MACROD2: variants seen among roughly 807,000 people sequenced by gnomAD.
MACROD2 encodes the protein mono-ADP ribosylhydrolase 2.
In MACROD2, 36 loss-of-function variants were observed where a neutral mutation model predicts 70.4. The observed-to-expected ratio is 0.51, with a 90% CI of 0.39 to 0.68. The LOEUF is 0.68. Among genes scored for constraint, MACROD2 ranks in the 30% least tolerant of loss-of-function variants. The pLI is 0.00. For synonymous variants in MACROD2, 172 were observed against 178.8 expected (o/e 0.96, Z 0.30); for missense variants, 496 against 538.4 (o/e 0.92, Z 0.78).
At chr20:14,250,439 G>A (rs1190347358) in intron 3 of MACROD2, among the ~76,000 whole-genome samples, 12 of 151,920 alleles carry the variant, frequency 7.9e-5, no homozygotes, top group Admixed American at 7.9e-4. Flanking sequence ...TAAGAATAAT[G>A]AATACTTACC....
chr20:15,433,513 G>A (rs2046390212), intron 7 of MACROD2, among the ~76,000 whole-genome samples: 1 of 146,526 alleles, frequency 6.8e-6, no homozygotes, highest in Non-Finnish European at 1.5e-5. Flanking sequence ...TAACCAAGGA[G>A]GTGAAACATC....
At chr20:15,324,895 T>C (rs1350492660) in intron 6 of MACROD2, among the ~76,000 whole-genome samples, 1 of 152,152 alleles carries the variant, frequency 6.6e-6, no homozygotes, top group Non-Finnish European at 1.5e-5. Context: ...TATTTACAAG[T>C]TTGCATAACT....
At chr20:14,160,540 T>C (rs2055170126) in intron 3 of MACROD2, among the ~76,000 whole-genome samples, 1 of 152,170 alleles carries the variant, frequency 6.6e-6, no homozygotes, top group African/African-American at 2.4e-5. Flanking sequence ...TCTGATGATC[T>C]TTTATATTTC....
At chr20:14,998,973 G>T (rs1197639653) in intron 5 of MACROD2, among the ~76,000 whole-genome samples, 1 of 152,212 alleles carries the variant, frequency 6.6e-6, no homozygotes, top group South Asian at 2.1e-4. Context: ...GGAGAGAGTG[G>T]CATGGCATAT....
At chr20:15,259,202 A>C (rs2077226846) in intron 6 of MACROD2, among the ~76,000 whole-genome samples, 1 of 151,882 alleles carries the variant, frequency 6.6e-6, no homozygotes, top group Admixed American at 6.6e-5. Flanking sequence ...AACAACAACA[A>C]AATTTAGGAG....
At chr20:14,188,270 C>T (rs947377538) in intron 3 of MACROD2, among the ~76,000 whole-genome samples, 4 of 152,042 alleles carry the variant, frequency 2.6e-5, no homozygotes, top group Non-Finnish European at 5.9e-5. Flanking sequence ...TTATGTACCT[C>T]TTACGTACAT....
At chr20:16,048,889 A>C (rs1038688726) in intron 17 of MACROD2, among the ~76,000 whole-genome samples, 10 of 152,232 alleles carry the variant, frequency 6.6e-5, no homozygotes, top group African/African-American at 2.4e-4. Flanking sequence ...AAAAGCCCCA[A>C]ACTTGACACA....
At chr20:14,592,485 G>A (rs1037118166) in intron 4 of MACROD2, among the ~76,000 whole-genome samples, 2 of 152,080 alleles carry the variant, frequency 1.3e-5, no homozygotes, top group Non-Finnish European at 2.9e-5. Context: ...GTGCAGTGGC[G>A]TGATTACAGC....
chr20:15,580,365 T>TCCCA (rs1053721368), intron 8 of MACROD2, among the ~76,000 whole-genome samples: 2 of 152,024 alleles, frequency 1.3e-5, no homozygotes, highest in African/African-American at 4.8e-5. Flanking sequence ...CCACTCCCAC[T>TCCCA]CCCACACTCC....
intron 5 of MACROD2, among the ~76,000 whole-genome samples, chr20:15,220,358 G>A (rs2076848943): frequency 6.6e-6 from 1 of 152,190 alleles, no homozygotes; most frequent in South Asian, 2.1e-4. Context: ...TAGAATTCTT[G>A]GCTTTGTGGG....
intron 8 of MACROD2, among the ~76,000 whole-genome samples, chr20:15,537,925 C>G (rs764608707): frequency 1.3e-5 from 2 of 152,170 alleles, no homozygotes; most frequent in Non-Finnish European, 2.9e-5. Context: ...TGTCTCCCAA[C>G]ATAGAGGCCA....
At chr20:14,565,494 G>A (rs1971524199) in intron 4 of MACROD2, among the ~76,000 whole-genome samples, 1 of 137,826 alleles carries the variant, frequency 7.3e-6, no homozygotes, top group Admixed American at 7.5e-5. Flanking sequence ...ATAAATAGAA[G>A]GATATAATGT....
chr20:15,455,129 A>G (rs572391488), intron 7 of MACROD2, among the ~76,000 whole-genome samples: 1 of 152,126 alleles, frequency 6.6e-6, no homozygotes, highest in Non-Finnish European at 1.5e-5. Context: ...CATCCTACCA[A>G]TGTTTAGAGA....
chr20:14,533,445 TTTC>T (rs1299842111), intron 4 of MACROD2, among the ~76,000 whole-genome samples: 1 of 152,232 alleles, frequency 6.6e-6, no homozygotes, highest in Non-Finnish European at 1.5e-5. Context: ...TTTTAGATTA[TTTC>T]TTAACTATTA....
intron 5 of MACROD2, chr20:14,934,859 T>C (rs932808038): frequency 3.3e-5 from 5 of 151,630 alleles, no homozygotes; most frequent in Admixed American, 1.3e-4. Context: ...GAGGAGGAGA[T>C]TTATGTAGAG....
chr20:15,045,599 G>T (rs1043156647), intron 5 of MACROD2, among the ~76,000 whole-genome samples: 3 of 151,676 alleles, frequency 2.0e-5, no homozygotes, highest in African/African-American at 7.3e-5. Flanking sequence ...AATATATGGT[G>T]TTTGTACATG....
intron 8 of MACROD2, among the ~76,000 whole-genome samples, chr20:15,685,637 T>A (rs1231308087): frequency 6.6e-6 from 1 of 152,172 alleles, no homozygotes; most frequent in Non-Finnish European, 1.5e-5. Flanking sequence ...TGAATCTTGT[T>A]TCTTCTAGTA....
chr20:14,341,865 T>A lies in MACROD2; in HGVS notation c.272-151614T>A, dbSNP rs542076276. Among the ~76,000 whole-genome samples, 40 of 152,304 alleles carry A rather than the reference T, an allele frequency of 2.6e-4. No individual in the cohort carries two copies. In the South Asian group the frequency reaches 8.1e-3, roughly 31 times the overall value. Reference sequence around the variant, plus strand: ...AAAATATGTCAATAAGAATACAGTTTCTCTCTGGCTCTCTGTCCTGCCTTT... The same window carrying A: ...AAAATATGTCAATAAGAATACAGTTACTCTCTGGCTCTCTGTCCTGCCTTT... On this transcript the variant is annotated intron_variant, in intron 3 of 17. Transcript: ENST00000684519.
chr20:14,740,551 A>C (rs2071720629), intron 5 of MACROD2, among the ~76,000 whole-genome samples: 1 of 152,166 alleles, frequency 6.6e-6, no homozygotes. Flanking sequence ...TATGTGAATT[A>C]TTTCATGTTT....
Sources: allele counts gnomAD v4.1 joint callset (sites outside exome capture counted in the v4.1 genomes callset), GRCh38; gene constraint gnomAD v4.1.1; transcripts MANE v1.5; gene names NCBI Gene and HGNC (gene_info 2026-07-23, HGNC 2026-07-21).